The following MORC1 variants were observed in gnomAD, a reference collection of about 807,000 sequenced individuals.
MORC1 encodes MORC family CW-type zinc finger protein 1.
A neutral mutation model predicts 134.9 loss-of-function variants in MORC1; 59 were observed. The observed-to-expected ratio is 0.44, with a 90% CI of 0.35 to 0.54. MORC1 has a LOEUF of 0.54. MORC1 is among the 20% of genes least tolerant of loss of function. MORC1 has a pLI of 0.00. For synonymous variants in MORC1, 395 were observed against 391.7 expected (o/e 1.01, Z -0.10); for missense variants, 947 against 1,134.5 (o/e 0.83, Z 2.37).
chr3:109,052,488 ACT>A (rs1949852253), intron 14 of MORC1, among the ~76,000 whole-genome samples: 1 of 152,128 alleles, frequency 6.6e-6, no homozygotes, highest in African/African-American at 2.4e-5. Flanking sequence ...CACAGAACAC[ACT>A]CTGAGTATGT....
intron 3 of MORC1, among the ~76,000 whole-genome samples, chr3:109,106,556 T>A (rs935126812): frequency 6.6e-6 from 1 of 152,198 alleles, no homozygotes; most frequent in Non-Finnish European, 1.5e-5. Flanking sequence ...CCTCCCACGT[T>A]AGACTTTCTC....
intron 17 of MORC1, among the ~76,000 whole-genome samples, chr3:109,026,058 T>C (rs1949066678): frequency 6.6e-6 from 1 of 152,170 alleles, no homozygotes; most frequent in Non-Finnish European, 1.5e-5. Context: ...TGCTCAATGA[T>C]CACCTCAAAA....
At position 108,991,143 on chromosome 3, in the gene MORC1, A is replaced by C. The variant is rs973008496; in HGVS notation, c.2188-4194T>G. 2.0e-5 allele frequency among the ~76,000 whole-genome samples: 3 copies of C among 152,318 alleles called. No homozygotes were observed. In the East Asian group the frequency reaches 5.8e-4, roughly 29 times the overall value. ...CTTGAGGGCCACAGCAAAGTCACTG[A>C]GTTTTGTTCTAAGTATGAGCAGAAG... is the stretch of plus-strand genomic sequence containing the variant. On this transcript the variant is annotated intron_variant, in intron 21 of 27. Coordinates refer to ENST00000232603, the MANE Select transcript of MORC1 (RefSeq NM_014429.4).
chr3:108,961,195 C>T (rs1428283026), intron 27 of MORC1, among the ~76,000 whole-genome samples: 1 of 152,168 alleles, frequency 6.6e-6, no homozygotes, highest in South Asian at 2.1e-4. Context: ...CCATTAACCT[C>T]GCCTCTGCAT....
intron 12 of MORC1, among the ~76,000 whole-genome samples, chr3:109,058,616 T>A (rs1950014183): frequency 6.6e-6 from 1 of 152,022 alleles, no homozygotes. Context: ...AAGACATGAG[T>A]TAATATACTA....
intron 17 of MORC1, among the ~76,000 whole-genome samples, chr3:109,019,925 G>A (rs1948915524): frequency 6.6e-6 from 1 of 152,136 alleles, no homozygotes; most frequent in Non-Finnish European, 1.5e-5. Flanking sequence ...TTGGAAATAT[G>A]AAAAATATGT....
intron 25 of MORC1, among the ~76,000 whole-genome samples, chr3:108,970,071 T>C (rs1385568461): frequency 2.0e-5 from 3 of 151,502 alleles, no homozygotes; most frequent in Non-Finnish European, 4.4e-5. Context: ...TGGAAGGGAG[T>C]GTCAGAGAAA....
At chr3:108,981,465 G>A (rs1269345482) in intron 23 of MORC1, among the ~76,000 whole-genome samples, 1 of 152,108 alleles carries the variant, frequency 6.6e-6, no homozygotes, top group Non-Finnish European at 1.5e-5. Context: ...ATGCTCATTA[G>A]TTATAACCTT....
At chr3:108,968,607 C>T (rs1461267063) in intron 26 of MORC1, among the ~76,000 whole-genome samples, 1 of 152,170 alleles carries the variant, frequency 6.6e-6, no homozygotes, top group Non-Finnish European at 1.5e-5. Context: ...CCTATAAAAA[C>T]TATGAGGCAG....
At position 109,099,427 on chromosome 3, in the gene MORC1, C is replaced by T. The variant is rs555321094; in HGVS notation, c.354G>A (p.Thr118=). 54 of 1,612,846 alleles carry T rather than the reference C, an allele frequency of 3.3e-5. 1 individual carries two copies. The highest frequency in any genetic ancestry group is 3.7e-5 in the Non-Finnish European group (44 of 1,179,588). ...MRIGKDFILF[T]KKEETMTCVF... ...CACAGGTCATCGTTTCTTCCTTCTT[C>T]GTAAAAAGAATAAAGTCTTTTCCAA... The change falls in exon 6 of 28, where the codon ACG becomes ACA. Residue 118 remains threonine, a synonymous_variant. Transcript: ENST00000232603.
chr3:109,046,406 T>C (rs1432102235), intron 14 of MORC1, among the ~76,000 whole-genome samples: 4 of 152,234 alleles, frequency 2.6e-5, no homozygotes, highest in Admixed American at 2.6e-4. Flanking sequence ...ACTGCTCTCC[T>C]TTGGATATAT....
At chr3:109,066,265 G>C (rs972107971) in intron 9 of MORC1, among the ~76,000 whole-genome samples, 1 of 151,636 alleles carries the variant, frequency 6.6e-6, no homozygotes, top group Non-Finnish European at 1.5e-5. Context: ...AGCTCCATGA[G>C]AGCAGGAATT....
chr3:109,093,859 G>A (rs1164403763), intron 7 of MORC1, among the ~76,000 whole-genome samples: 1 of 152,200 alleles, frequency 6.6e-6, no homozygotes, highest in East Asian at 1.9e-4. Context: ...AAGAGCCTGA[G>A]CCAAGCTTGT....
intron 17 of MORC1, among the ~76,000 whole-genome samples, chr3:109,012,639 ACG>A (rs1421473784): frequency 1.3e-5 from 2 of 152,200 alleles, no homozygotes; most frequent in Non-Finnish European, 2.9e-5. Flanking sequence ...TATTTCGTCA[ACG>A]TTATCTGTAA....
At chr3:109,099,300 A>G in intron 6 of MORC1, 58 bp downstream of exon 6, 1 of 1,212,602 alleles carries the variant, frequency 8.2e-7, no homozygotes, top group Non-Finnish European at 1.2e-6. Flanking sequence ...ACCTCCTGAG[A>G]GAGTAAATGA....
intron 14 of MORC1, among the ~76,000 whole-genome samples, chr3:109,035,736 A>G (rs974505470): frequency 1.3e-5 from 2 of 152,208 alleles, no homozygotes; most frequent in Admixed American, 1.3e-4. Context: ...AATAGCATGT[A>G]TTTTAAAAGT....
chr3:109,095,579 C>T (rs1415014264), intron 6 of MORC1, among the ~76,000 whole-genome samples: 1 of 152,168 alleles, frequency 6.6e-6, no homozygotes, highest in Admixed American at 6.5e-5. Flanking sequence ...TGGATATTTA[C>T]CCTCTGGAAA....
chr3:109,053,154 AC>A (rs1251112586), intron 14 of MORC1, among the ~76,000 whole-genome samples: 1 of 152,030 alleles, frequency 6.6e-6, no homozygotes, highest in African/African-American at 2.4e-5. Flanking sequence ...AGAAAGGGAC[AC>A]TTACACAATG....
chr3:109,028,644 G>T (rs1201964274), intron 16 of MORC1, among the ~76,000 whole-genome samples: 1 of 152,152 alleles, frequency 6.6e-6, no homozygotes, highest in Admixed American at 6.5e-5. Context: ...AAAGCATATG[G>T]TTTGGAAGGT....
Sources: gnomAD v4.1 joint callset for allele counts (sites outside exome capture counted in the v4.1 genomes callset) on GRCh38, gnomAD v4.1.1 for gene constraint, MANE v1.5 for transcripts, NCBI Gene and HGNC (gene_info 2026-07-23, HGNC 2026-07-21) for gene names.